Variants in SNX25 observed in about 807,000 individuals in gnomAD.
The protein encoded by SNX25 is sorting nexin 25.
In SNX25, 62 loss-of-function variants were observed where a neutral mutation model predicts 113.7. The observed-to-expected ratio is 0.55, with a 90% confidence interval of 0.44 to 0.67. The LOEUF (loss-of-function observed/expected upper bound fraction) is 0.67. Ranked by LOEUF, SNX25 falls within the 30% of genes least tolerant of loss-of-function variation. The pLI, the probability that SNX25 is intolerant of heterozygous loss-of-function variation, is 0.00. For missense variants in SNX25, 1,014 were observed against 1,161.0 expected (o/e 0.87, Z 1.84); for synonymous variants, 421 against 436.2 (o/e 0.97, Z 0.43).
intron 1 of SNX25, among the ~76,000 whole-genome samples, chr4:185,211,512 G>C (rs1172405076): frequency 6.6e-6 from 1 of 152,110 alleles, no homozygotes; most frequent in Non-Finnish European, 1.5e-5. Context: ...GATTTTACTA[G>C]TTTGTTTGTT....
intron 1 of SNX25, among the ~76,000 whole-genome samples, chr4:185,246,313 A>G (rs1333010538): frequency 6.6e-6 from 1 of 152,150 alleles, no homozygotes; most frequent in African/African-American, 2.4e-5. Context: ...ATTTTGATAT[A>G]TGTGGCTCAG....
At chr4:185,215,575 G>A (rs1738678009) in intron 1 of SNX25, among the ~76,000 whole-genome samples, 1 of 152,112 alleles carries the variant, frequency 6.6e-6, no homozygotes, top group African/African-American at 2.4e-5. Context: ...CCTCTTTGTG[G>A]CTTTTTCCTT....
In SNX25 at chr4:185,209,948, C is replaced by A. The variant is rs1438479743; in HGVS notation, c.122C>A (p.Ala41Glu). 2 of 983,504 alleles carry A rather than the reference C, an allele frequency of 2.0e-6. No homozygotes were observed. Among genetic ancestry groups the A allele is most frequent in the South Asian group, 9.3e-5 (2 of 21,612 alleles). 60.9% of individuals were successfully genotyped at this position (983,504 alleles called of 1,614,324 possible). ...CGGCGGCCGGAGTCCCCGGGGGACG[C>A]GGAGGCAGCAGCAGCGGCGGCGCCG... ...GERRPESPGD[A>E]EAAAAAAPGA... The change falls in exon 1 of 19, where the codon GCG (alanine) becomes GAG (glutamate). Residue 41 changes from alanine to glutamate, a missense_variant. Physicochemically the swap from Ala to Glu is moderately radical, Grantham distance 107. Coordinates refer to ENST00000652585, the MANE Select transcript of SNX25 (RefSeq NM_001378034.2). The surrounding 1 kb of genome is among the most constrained non-coding windows in gnomAD (Gnocchi z 5.2).
chr4:185,213,740 TG>T (rs1341275557), intron 1 of SNX25, among the ~76,000 whole-genome samples: 2 of 152,200 alleles, frequency 1.3e-5, no homozygotes, highest in Non-Finnish European at 2.9e-5. Context: ...AGGGCAAGAA[TG>T]AATCCATAGT....
At chr4:185,300,706 C>T (rs1753538580) in intron 6 of SNX25, among the ~76,000 whole-genome samples, 1 of 151,980 alleles carries the variant, frequency 6.6e-6, no homozygotes, top group African/African-American at 2.4e-5. Context: ...ATATTTATGT[C>T]CCCCCAAATT....
chr4:185,320,135 CAAGGG>C (rs2095108308), intron 7 of SNX25, among the ~76,000 whole-genome samples: 1 of 152,108 alleles, frequency 6.6e-6, no homozygotes, highest in Admixed American at 6.5e-5. Flanking sequence ...CATCTATACC[CAAGGG>C]AATATAAACC....
intron 9 of SNX25, among the ~76,000 whole-genome samples, chr4:185,327,546 TA>T (rs1419792230): frequency 2.0e-5 from 3 of 152,224 alleles, no homozygotes; most frequent in Non-Finnish European, 2.9e-5. Context: ...ATTTTTTATA[TA>T]AATTATCTTT....
chr4:185,244,639 T>C (rs1270091794), intron 1 of SNX25, among the ~76,000 whole-genome samples: 1 of 152,238 alleles, frequency 6.6e-6, no homozygotes, highest in Non-Finnish European at 1.5e-5. Flanking sequence ...CACATGATTT[T>C]CTTTTATGCA....
chr4:185,285,866 A>C (rs914815311), intron 5 of SNX25, among the ~76,000 whole-genome samples: 1 of 151,912 alleles, frequency 6.6e-6, no homozygotes, highest in Non-Finnish European at 1.5e-5. Context: ...TCAACCACCC[A>C]GGCTCAAGTG....
At chr4:185,227,089 C>T (rs1308007516) in intron 1 of SNX25, among the ~76,000 whole-genome samples, 2 of 152,166 alleles carry the variant, frequency 1.3e-5, no homozygotes, top group African/African-American at 2.4e-5. Context: ...ACCACAGCCA[C>T]GCAGGATGAT....
intron 17 of SNX25, 87 bp from the exon 18 acceptor site, chr4:185,362,524 G>T (rs1400700845): frequency 3.9e-6 from 5 of 1,297,136 alleles, no homozygotes; most frequent in African/African-American, 1.5e-5. Context: ...TTGACTGAAG[G>T]TGTATAATGT....
intron 9 of SNX25, among the ~76,000 whole-genome samples, chr4:185,328,590 A>G (rs2077931669): frequency 6.6e-6 from 1 of 152,184 alleles, no homozygotes; most frequent in African/African-American, 2.4e-5. Context: ...CTTTCTTATC[A>G]GGGGTGAGGG....
the SNX25 span, among the ~76,000 whole-genome samples, chr4:185,375,973 C>A: frequency 6.6e-6 from 1 of 152,166 alleles, no homozygotes; most frequent in South Asian, 2.1e-4. Context: ...AAGGTGCCAT[C>A]GAAAAGTGAG....
At chr4:185,315,962 G>A (rs2095070660) in intron 7 of SNX25, among the ~76,000 whole-genome samples, 1 of 152,130 alleles carries the variant, frequency 6.6e-6, no homozygotes, top group Non-Finnish European at 1.5e-5. Context: ...ATAATGACAT[G>A]CAATATACTG....
Position 185,342,049 on chromosome 4 carries a change from A to C in SNX25, c.2120A>C (p.Glu707Ala). 6.2e-7 allele frequency: 1 copy of C among 1,611,330 alleles called. No homozygotes were observed. Among genetic ancestry groups the C allele is most frequent in the Non-Finnish European group, 8.5e-7 (1 of 1,178,878 alleles). ...AGCCTACAAGAAGTTGGAGGAGTTG[A>C]AACTAAGAACTGGACGGTCCCCAGA... ...MVSLQEVGGV[E>A]TKNWTVPRRL... The change falls in exon 12 of 19, where the codon GAA becomes GCA. Residue 707 changes from glutamate to alanine, a missense_variant. Transcript: ENST00000652585.
downstream of SNX25, among the ~76,000 whole-genome samples, chr4:185,368,200 A>G (rs1420828923): frequency 6.6e-6 from 1 of 152,178 alleles, no homozygotes; most frequent in Non-Finnish European, 1.5e-5. Flanking sequence ...ACTTTCCCTT[A>G]TTTTAGGCTG....
intron 13 of SNX25, among the ~76,000 whole-genome samples, chr4:185,347,860 G>A (rs1579882751): frequency 6.6e-6 from 1 of 152,152 alleles, no homozygotes; most frequent in East Asian, 1.9e-4. Flanking sequence ...TGAGTTCCTT[G>A]TCAGATCTTA....
intron 5 of SNX25, among the ~76,000 whole-genome samples, chr4:185,277,050 A>G (rs763585659): frequency 2.8e-4 from 43 of 152,266 alleles, no homozygotes; most frequent in Non-Finnish European, 4.9e-4. Context: ...TTCAAGAAGG[A>G]GTCTCGCTCT....
intron 1 of SNX25, among the ~76,000 whole-genome samples, chr4:185,224,518 AAT>A (rs1297511300): frequency 3.5e-5 from 4 of 115,300 alleles, no homozygotes; most frequent in Admixed American, 8.1e-5. Flanking sequence ...TAGATATATA[AAT>A]ATATATACAT....
Sources: gnomAD v4.1 joint callset for allele counts (sites outside exome capture counted in the v4.1 genomes callset) on GRCh38, gnomAD v4.1.1 for gene constraint, Gnocchi (gnomAD v3.1) non-coding constraint, MANE v1.5 for transcripts, NCBI Gene and HGNC (gene_info 2026-07-23, HGNC 2026-07-21) for gene names.